The following RASL11B variants were observed in gnomAD, a reference collection of about 807,000 sequenced individuals.
RASL11B encodes the protein RAS like family 11 member B.
Under a neutral mutation model 22.9 loss-of-function variants are expected in RASL11B, and 14 were observed. That is an observed-to-expected ratio of 0.61 (90% CI 0.40 to 0.96). RASL11B has a LOEUF of 0.96. RASL11B is among the 40% of genes least tolerant of loss of function. The pLI, the probability that RASL11B is intolerant of heterozygous loss-of-function variation, is 0.00. For missense variants in RASL11B, 261 were observed against 322.0 expected, an observed-to-expected ratio of 0.81 and a Z score of 1.45; for synonymous variants, 143 against 130.2, an observed-to-expected ratio of 1.10 and a Z score of -0.67.
rs139958566 is a variant in RASL11B, at chr4:52,864,967, T to C, written c.277-368T>C. Among the ~76,000 whole-genome samples, 142 of 152,302 alleles carry C rather than the reference T, an allele frequency of 9.3e-4. 1 individual carries two copies. The highest frequency in any genetic ancestry group is 3.4e-3 in the African/African-American group (140 of 41,566). ...TAGACAAAAGCGCCATGCTAGGGTTTTTCCCCCCGCCTCCTGAACTGGGCA... is the reference window on the plus strand; with the variant it reads ...TAGACAAAAGCGCCATGCTAGGGTTCTTCCCCCCGCCTCCTGAACTGGGCA... On this transcript the variant is annotated intron_variant, in intron 3 of 3. Coordinates refer to ENST00000248706, the MANE Select transcript of RASL11B (RefSeq NM_023940.3).
chr4:52,862,542 A>C lies in RASL11B; in HGVS notation c.35A>C (p.Glu12Ala), dbSNP rs760418376. Residue 12 changes from glutamate (E) to alanine (A), a missense_variant, in exon 1 of 4, where the codon GAG becomes GCG. Transcript: ENST00000248706. ...ATTCAGAACATGTGCACCATCGCCG[A>C]GTACCCCGCGCCGGGCAACGCCGCG... is the stretch of plus-strand genomic sequence containing the variant. ...RLIQNMCTIAEYPAPGNAAAS... is the reference protein window; with the variant it reads ...RLIQNMCTIAAYPAPGNAAAS... 6 of 1,606,386 alleles carry C rather than the reference A, an allele frequency of 3.7e-6. No individual in the cohort carries two copies. Among genetic ancestry groups the C allele is most frequent in the Non-Finnish European group, 5.1e-6 (6 of 1,177,498 alleles).
In RASL11B at chr4:52,864,229, T is replaced by C. The variant is rs533058042; in HGVS notation, c.200-249T>C. 9 of 381,444 alleles carry C rather than the reference T, an allele frequency of 2.4e-5. No individual in the cohort carries two copies. The East Asian group carries it at 3.8e-4, about 16-fold the overall frequency. 23.6% of individuals were successfully genotyped at this position (381,444 alleles called of 1,614,324 possible). A position where few individuals can be genotyped will look rare whatever the true frequency, so the allele number is the denominator to read the frequency against. On this transcript the variant is annotated intron_variant, in intron 2 of 3. Coordinates refer to ENST00000248706, the MANE Select transcript of RASL11B (RefSeq NM_023940.3). ...GGGAGTACTCTAAAAATGGAAACTT[T>C]GTTTAAAACTAGATAAATAAGTTTT... is the stretch of plus-strand genomic sequence containing the variant.
Position 52,866,822 on chromosome 4 carries a change from G to A in RASL11B, c.*1017G>A, listed in dbSNP as rs931574964. The stretch of plus-strand genomic sequence containing the variant: ...TAATTTATTTTATGTACAATAAATC[G>A]CATTTGAAAAAGAGCAGATGTCTAA... On this transcript the variant is annotated 3_prime_UTR_variant, in exon 4 of 4. Coordinates refer to ENST00000248706, the MANE Select transcript of RASL11B (RefSeq NM_023940.3). 3.9e-5 allele frequency: 6 copies of A among 152,586 alleles called. No individual in the cohort carries two copies. Among genetic ancestry groups the A allele is most frequent in the East Asian group, 1.9e-4 (1 of 5,194 alleles). 9.5% of individuals were successfully genotyped at this position (152,586 alleles called of 1,614,324 possible).
chr4:52,863,318 A>G lies in RASL11B; in HGVS notation c.193A>G (p.Asn65Asp), dbSNP rs139219249. The G allele has an allele frequency of 6.6e-5, 107 of 1,613,288 alleles. No individual in the cohort carries two copies. Among genetic ancestry groups the G allele is most frequent in the Non-Finnish European group, 8.6e-5 (101 of 1,179,604 alleles). The change falls in exon 2 of 4, where the codon AAT becomes GAT. Residue 65 changes from asparagine (N) to aspartate (D), a missense_variant. Asn to Asp is a conservative substitution (Grantham distance 23). Transcript: ENST00000248706. ...TKRFIGDYER[N>D]AGNLYTRQVQ... is the part of the protein sequence containing the mutation. ...ACGATTCATCGGTGACTATGAAAGA[A>G]ATGCAGGTGAGACAATGCATTTGAG...
chr4:52,862,525 C>T lies in RASL11B; in HGVS notation c.18C>T (p.Asn6=). 14 of 1,606,818 alleles carry T rather than the reference C, an allele frequency of 8.7e-6. No homozygotes were observed. Among genetic ancestry groups the T allele is most frequent in the Non-Finnish European group, 1.2e-5 (14 of 1,177,574 alleles). Reference sequence around the variant, plus strand: ...CCGAGGCGATGCGCCTCATTCAGAACATGTGCACCATCGCCGAGTACCCCG... The same window carrying T: ...CCGAGGCGATGCGCCTCATTCAGAATATGTGCACCATCGCCGAGTACCCCG... MRLIQ[N]MCTIAEYPAP... is the part of the protein sequence containing the mutation. Residue 6 remains asparagine (N), a synonymous_variant, in exon 1 of 4, where the codon AAC becomes AAT. Transcript: ENST00000248706.
chr4:52,863,676 T>G, intron 2 of RASL11B: 2 of 221,050 alleles, frequency 9.0e-6, no homozygotes, highest in Non-Finnish European at 1.8e-5. Context: ...CCCTAGCTCC[T>G]TCCCCCACCC....
In RASL11B at chr4:52,865,332, C is replaced by G. The variant is rs2109428689; in HGVS notation, c.277-3C>G. 1 of 1,599,108 alleles carries G rather than the reference C, an allele frequency of 6.3e-7. No individual in the cohort carries two copies. The highest frequency in any genetic ancestry group is 2.2e-5 in the East Asian group (1 of 44,614). ...TCACCTTGCCATCACTCCTCTCTTT[C>G]AGGTCCATGAGAACAGCCTGAGCTG... is the stretch of plus-strand genomic sequence containing the variant. On this transcript the variant is annotated splice_region_variant and splice_polypyrimidine_tract_variant and intron_variant, in intron 3 of 3. Transcript: ENST00000248706.
chr4:52,862,410 C>T lies in RASL11B; in HGVS notation c.-98C>T, dbSNP rs890416512. 13 of 1,247,310 alleles carry T rather than the reference C, an allele frequency of 1.0e-5. No individual in the cohort carries two copies. Among genetic ancestry groups the T allele is most frequent in the African/African-American group, 6.4e-5 (4 of 62,646 alleles). The allele number at this position is 1,247,310 out of a possible 1,614,324, so 77.3% of individuals were successfully genotyped here. On this transcript the variant is annotated 5_prime_UTR_variant, in exon 1 of 4. Coordinates refer to ENST00000248706, the MANE Select transcript of RASL11B (RefSeq NM_023940.3). ...TATTTATTGTTGTTATTTCTTACCGCGGAGCCCCGCAGTCGGGTCCTCCCG... is the reference window on the plus strand; with the variant it reads ...TATTTATTGTTGTTATTTCTTACCGTGGAGCCCCGCAGTCGGGTCCTCCCG...
At position 52,865,874 on chromosome 4, in the gene RASL11B, A is replaced by G; in HGVS notation, c.*69A>G. On this transcript the variant is annotated 3_prime_UTR_variant, in exon 4 of 4. Coordinates refer to ENST00000248706, the MANE Select transcript of RASL11B (RefSeq NM_023940.3). ...GGCCTGAGGTTCTCCTAGTGCAGGA[A>G]CGTTGAATATTGGCAATGATTCCTG... 1 of 1,152,700 alleles carries G rather than the reference A, an allele frequency of 8.7e-7. No homozygotes were observed. Among genetic ancestry groups the G allele is most frequent in the Non-Finnish European group, 1.3e-6 (1 of 799,272 alleles). The allele number at this position is 1,152,700 out of a possible 1,614,324, so 71.4% of individuals were successfully genotyped here.
Position 52,865,887 on chromosome 4 carries a change from G to A in RASL11B, c.*82G>A. The A allele has an allele frequency of 9.9e-7, 1 of 1,015,092 alleles. No homozygotes were observed. Among genetic ancestry groups the A allele is most frequent in the Non-Finnish European group, 1.5e-6 (1 of 687,094 alleles). The allele number at this position is 1,015,092 out of a possible 1,614,324, so 62.9% of individuals were successfully genotyped here. On this transcript the variant is annotated 3_prime_UTR_variant, in exon 4 of 4. Coordinates refer to ENST00000248706, the MANE Select transcript of RASL11B (RefSeq NM_023940.3). ...CCTAGTGCAGGAACGTTGAATATTGGCAATGATTCCTGGTTCCAGAAAGGG... is the reference window on the plus strand; with the variant it reads ...CCTAGTGCAGGAACGTTGAATATTGACAATGATTCCTGGTTCCAGAAAGGG...
chr4:52,862,333 C>G lies in RASL11B; in HGVS notation c.-175C>G. On this transcript the variant is annotated 5_prime_UTR_variant, in exon 1 of 4. Coordinates refer to ENST00000248706, the MANE Select transcript of RASL11B (RefSeq NM_023940.3). The stretch of plus-strand genomic sequence containing the variant: ...CGCGAGTGCAGTCTGGGTCTGGAGC[C>G]TGAGCCCTGCGGAACCTCGGCGCTC... 2 of 630,792 alleles carry G rather than the reference C, an allele frequency of 3.2e-6. No homozygotes were observed. Among genetic ancestry groups the G allele is most frequent in the South Asian group, 4.6e-5 (2 of 43,230 alleles). 39.1% of individuals were successfully genotyped at this position (630,792 alleles called of 1,614,324 possible).
At chr4:52,863,474 G>A (rs2109426866) in intron 2 of RASL11B, 150 bp downstream of exon 2, 1 of 656,240 alleles carries the variant, frequency 1.5e-6, no homozygotes, top group Non-Finnish European at 2.7e-6. Flanking sequence ...AGCCCTCCAT[G>A]GCGCCCCCCT....
At chr4:52,863,809 A>T (rs1464483413) in intron 2 of RASL11B, among the ~76,000 whole-genome samples, 1 of 152,216 alleles carries the variant, frequency 6.6e-6, no homozygotes, top group African/African-American at 2.4e-5. Flanking sequence ...GTAGAATTTT[A>T]GGAGGAGAAT....
chr4:52,862,746 G>T, intron 1 of RASL11B, 97 bp downstream of exon 1: 2 of 1,352,956 alleles, frequency 1.5e-6, no homozygotes, highest in South Asian at 1.5e-5. Flanking sequence ...GCTGCAGCCC[G>T]ACCGCTCTCC....
chr4:52,863,398 A>C (rs1329883459), intron 2 of RASL11B, 74 bp downstream of exon 2: 1 of 1,285,604 alleles, frequency 7.8e-7, no homozygotes, highest in Non-Finnish European at 1.1e-6. Flanking sequence ...AGCGCTTCCC[A>C]GGGAGGTTCT....
chr4:52,864,366 G>T, intron 2 of RASL11B, 112 bp from the exon 3 acceptor site: 3 of 625,690 alleles, frequency 4.8e-6, no homozygotes, highest in Middle Eastern at 4.5e-4. Flanking sequence ...ATAAACTATC[G>T]CTGTTTTGTG....
chr4:52,863,953 G>A (rs1718209806), intron 2 of RASL11B, among the ~76,000 whole-genome samples: 1 of 152,194 alleles, frequency 6.6e-6, no homozygotes, highest in Non-Finnish European at 1.5e-5. Context: ...ACCTATAGGG[G>A]ATTATTTGAA....
chr4:52,865,551 C>T lies in RASL11B; in HGVS notation c.493C>T (p.Gln165Ter). 1 of 1,614,226 alleles carries T rather than the reference C, an allele frequency of 6.2e-7. No individual in the cohort carries two copies. Among genetic ancestry groups the T allele is most frequent in the South Asian group, 1.1e-5 (1 of 91,082 alleles). The change falls in exon 4 of 4, where the codon CAG becomes TAG. Residue 165 changes from glutamine to a stop codon, truncating the protein, a stop_gained. Coordinates refer to ENST00000248706, the MANE Select transcript of RASL11B (RefSeq NM_023940.3). LOFTEE classifies it high-confidence loss of function. ...GTTGCACATCAAACAGGTTGACCCT[C>T]AGCTTGGACTGCAGCTAGCCAGCAT... ...DLLHIKQVDP[Q>*]LGLQLASMLG...
chr4:52,862,458 A>G lies in RASL11B; in HGVS notation c.-50A>G, dbSNP rs1312167475. On this transcript the variant is annotated 5_prime_UTR_variant, in exon 1 of 4. Transcript: ENST00000248706. Reference sequence around the variant, plus strand: ...CCGCCCGCTCCCGCGCAGCGCTAGCATTCTCCAGTCCCTCAGTCCCTTCCC... The same window carrying G: ...CCGCCCGCTCCCGCGCAGCGCTAGCGTTCTCCAGTCCCTCAGTCCCTTCCC... 1 of 1,566,272 alleles carries G rather than the reference A, an allele frequency of 6.4e-7. No individual in the cohort carries two copies.
Sources: gnomAD v4.1 joint callset for allele counts (sites outside exome capture counted in the v4.1 genomes callset) on GRCh38, gnomAD v4.1.1 for gene constraint, MANE v1.5 for transcripts, NCBI Gene and HGNC (gene_info 2026-07-23, HGNC 2026-07-21) for gene names.